The following RBFOX1 variants were observed in gnomAD, a reference collection of about 807,000 sequenced individuals.
RBFOX1 encodes RNA binding fox-1 homolog 1.
RBFOX1 carries 8 observed loss-of-function variants against 57.7 expected under a neutral mutation model. The ratio of observed to expected loss-of-function variants is 0.14; its 90% CI spans 0.08 to 0.25. The LOEUF (loss-of-function observed/expected upper bound fraction) is 0.25, where lower values mean the gene tolerates loss of function less well. Ranked by LOEUF, RBFOX1 falls within the 10% of genes least tolerant of loss-of-function variation. The pLI is 1.00. For synonymous variants in RBFOX1, 326 were observed against 222.4 expected (o/e 1.47, Z -4.15); for missense variants, 611 against 548.5 (o/e 1.11, Z -1.14).
At chr16:5,959,869 T>C (rs1050343665) in intron 4 of RBFOX1, among the ~76,000 whole-genome samples, 3 of 152,064 alleles carry the variant, frequency 2.0e-5, no homozygotes, top group Admixed American at 6.6e-5. Flanking sequence ...TCTGCCCCTC[T>C]CTCTCCCCAT....
chr16:7,120,840 C>CACACACACACACACACTCAT (rs1555491068), intron 4 of RBFOX1, among the ~76,000 whole-genome samples: 16 of 145,620 alleles, frequency 1.1e-4, no homozygotes, highest in African/African-American at 4.2e-4. Context: ...TACACACACA[C>CACACACACACACACACTCAT]ACACACACAC....
At chr16:6,093,329 C>T (rs2096202935) in intron 1 of RBFOX1, among the ~76,000 whole-genome samples, 2 of 152,044 alleles carry the variant, frequency 1.3e-5, no homozygotes, top group South Asian at 2.1e-4. Flanking sequence ...GGCACATCTA[C>T]TTGGAAGGTT....
chr16:5,733,714 C>G (rs537724749), intron 3 of RBFOX1, among the ~76,000 whole-genome samples: 1 of 152,148 alleles, frequency 6.6e-6, no homozygotes, highest in South Asian at 2.1e-4. Context: ...CCCTTTCCCT[C>G]TTACCTCTTT....
intron 3 of RBFOX1, among the ~76,000 whole-genome samples, chr16:6,933,168 A>G (rs74008468): frequency 5.0e-4 from 76 of 152,260 alleles, no homozygotes; most frequent in African/African-American, 1.8e-3. Flanking sequence ...GGTTCCTTCC[A>G]CACTTGAGTT....
chr16:7,505,472 G>C (rs2072964377), intron 4 of RBFOX1, among the ~76,000 whole-genome samples: 1 of 152,138 alleles, frequency 6.6e-6, no homozygotes, highest in South Asian at 2.1e-4. Context: ...ATTTTTTAAG[G>C]GCTAAGCACA....
At chr16:6,918,946 C>T (rs2073863250) in intron 3 of RBFOX1, among the ~76,000 whole-genome samples, 1 of 152,066 alleles carries the variant, frequency 6.6e-6, no homozygotes, top group Non-Finnish European at 1.5e-5. Flanking sequence ...CTATTTCAAA[C>T]ACCATTTCTC....
chr16:6,650,653 T>A (rs771529110), intron 2 of RBFOX1, among the ~76,000 whole-genome samples: 1 of 152,200 alleles, frequency 6.6e-6, no homozygotes, highest in African/African-American at 2.4e-5. Context: ...AGGAAAACAG[T>A]CTGTTCTACA....
intron 3 of RBFOX1, among the ~76,000 whole-genome samples, chr16:5,759,219 G>A (rs1440703436): frequency 6.6e-6 from 1 of 152,226 alleles, no homozygotes; most frequent in Admixed American, 6.5e-5. Context: ...GTCTGAATCT[G>A]CATCATAGCC....
intron 14 of RBFOX1, among the ~76,000 whole-genome samples, chr16:7,702,170 G>GA (rs2080955837): frequency 6.6e-6 from 1 of 152,206 alleles, no homozygotes; most frequent in Admixed American, 6.5e-5. Context: ...TCTGCGATTT[G>GA]AAAATGGAGA....
At chr16:7,710,458 G>T in intron 15 of RBFOX1, 165 bp from the exon 16 acceptor site, 1 of 1,473,914 alleles carries the variant, frequency 6.8e-7, no homozygotes, top group African/African-American at 1.4e-5. Context: ...GGGAAGGTCA[G>T]GAATGGCCCT....
At chr16:6,697,612 G>T (rs1417683212) in intron 3 of RBFOX1, among the ~76,000 whole-genome samples, 1 of 152,214 alleles carries the variant, frequency 6.6e-6, no homozygotes, top group Non-Finnish European at 1.5e-5. Context: ...TTGGTGGATG[G>T]AATGATGATG....
intron 4 of RBFOX1, among the ~76,000 whole-genome samples, chr16:5,994,096 C>G (rs146296891): frequency 1.3e-5 from 2 of 152,152 alleles, no homozygotes; most frequent in Non-Finnish European, 2.9e-5. Context: ...GCTCGTTCGA[C>G]TCTCTCTGTT....
intron 3 of RBFOX1, among the ~76,000 whole-genome samples, chr16:5,675,544 A>C (rs1329243261): frequency 6.6e-6 from 1 of 152,186 alleles, no homozygotes; most frequent in Non-Finnish European, 1.5e-5. Context: ...AGATAATGGA[A>C]ACACAGAAAA....
intron 1 of RBFOX1, among the ~76,000 whole-genome samples, chr16:5,391,688 G>T (rs1478301033): frequency 6.6e-6 from 1 of 152,068 alleles, no homozygotes; most frequent in Non-Finnish European, 1.5e-5. Flanking sequence ...TAGGATCACA[G>T]GTAGTGTCTT....
At chr16:7,026,216 G>C (rs1235426678) in intron 3 of RBFOX1, among the ~76,000 whole-genome samples, 1 of 152,132 alleles carries the variant, frequency 6.6e-6, no homozygotes, top group African/African-American at 2.4e-5. Flanking sequence ...GTCTCTTCTA[G>C]GAAGGCAAGA....
Position 7,468,798 on chromosome 16 carries a change from A to C in RBFOX1, c.28-49349A>C, listed in dbSNP as rs73500336. Among the ~76,000 whole-genome samples, 239 of 152,284 alleles carry C rather than the reference A, an allele frequency of 1.6e-3. 1 individual carries two copies. Among genetic ancestry groups the C allele is most frequent in the African/African-American group, 5.3e-3 (221 of 41,572 alleles). The stretch of plus-strand genomic sequence containing the variant: ...CCTTGTTTCTCCAAGCATCAAGAGC[A>C]AACTCTTTCTTTTGGGTGGATGCCA... On this transcript the variant is annotated intron_variant, in intron 4 of 15. Transcript: ENST00000550418.
chr16:6,116,256 C>G (rs990221345), intron 1 of RBFOX1, among the ~76,000 whole-genome samples: 4 of 151,046 alleles, frequency 2.6e-5, no homozygotes, highest in Non-Finnish European at 5.9e-5. Flanking sequence ...ACATCACACA[C>G]CAGGGCCTGT....
intron 4 of RBFOX1, among the ~76,000 whole-genome samples, chr16:5,885,806 A>G (rs775792199): frequency 4.0e-4 from 61 of 152,156 alleles, no homozygotes; most frequent in Non-Finnish European, 8.4e-4. Context: ...CAGGTGCCCT[A>G]AAGTATCTAG....
At chr16:6,204,833 C>T (rs553171444) in intron 1 of RBFOX1, among the ~76,000 whole-genome samples, 1 of 152,006 alleles carries the variant, frequency 6.6e-6, no homozygotes, top group South Asian at 2.1e-4. Context: ...TCCTCATAAA[C>T]CCGTAGCTTT....
Sources: allele counts gnomAD v4.1 joint callset (sites outside exome capture counted in the v4.1 genomes callset), GRCh38; gene constraint gnomAD v4.1.1; transcripts MANE v1.5; gene names NCBI Gene and HGNC (gene_info 2026-07-23, HGNC 2026-07-21).